Variants in ANK2 observed in about 807,000 individuals in gnomAD.
The protein encoded by ANK2 is ankyrin-2.
A neutral mutation model predicts 360.5 loss-of-function variants in ANK2; 83 were observed. The ratio of observed to expected loss-of-function variants is 0.23; its 90% CI spans 0.19 to 0.28. The LOEUF is 0.28. Ranked by LOEUF, ANK2 falls within the 10% of genes least tolerant of loss-of-function variation. The pLI is 1.00. For missense variants in ANK2, 4,201 were observed against 4,795.7 expected (o/e 0.88, Z 3.66); for synonymous variants, 1,740 against 1,759.5 (o/e 0.99, Z 0.28).
At chr4:112,763,226 A>ATTT in the ANK2 span, among the ~76,000 whole-genome samples, 19 of 144,820 alleles carry the variant, frequency 1.3e-4, no homozygotes, top group Admixed American at 4.8e-4. Context: ...CACCTGGCTA[A>ATTT]TTTTTTTTTT....
chr4:112,854,794 G>T (rs1372455875), intron 1 of ANK2, among the ~76,000 whole-genome samples: 2 of 152,170 alleles, frequency 1.3e-5, no homozygotes, highest in Non-Finnish European at 2.9e-5. Context: ...TAGTCCAGAG[G>T]TGGGAGCTGG....
At chr4:113,341,042 AGTCAAT>A (rs1356653348) in intron 32 of ANK2, among the ~76,000 whole-genome samples, 1 of 152,222 alleles carries the variant, frequency 6.6e-6, no homozygotes, top group Non-Finnish European at 1.5e-5. Flanking sequence ...AAAAATTGCC[AGTCAAT>A]GTCACAGACT....
At chr4:112,959,097 G>A (rs1441967532) in intron 2 of ANK2, among the ~76,000 whole-genome samples, 2 of 151,970 alleles carry the variant, frequency 1.3e-5, no homozygotes, top group Non-Finnish European at 2.9e-5. Context: ...TGATCCGCCC[G>A]CCTCGGCCTC....
chr4:112,825,673 A>C (rs2058272728), intron 1 of ANK2, among the ~76,000 whole-genome samples: 1 of 152,246 alleles, frequency 6.6e-6, no homozygotes, highest in Non-Finnish European at 1.5e-5. Flanking sequence ...ATCATAAACC[A>C]AATTCACTTA....
At chr4:112,843,135 A>T (rs1266950667) in intron 1 of ANK2, among the ~76,000 whole-genome samples, 1 of 152,212 alleles carries the variant, frequency 6.6e-6, no homozygotes, top group Admixed American at 6.5e-5. Context: ...AAAATCCTTA[A>T]TTTAATCACA....
chr4:113,331,840 G>A, intron 27 of ANK2, 132 bp from the exon 28 acceptor site: 1 of 843,458 alleles, frequency 1.2e-6, no homozygotes, highest in Non-Finnish European at 2.1e-6. Context: ...ACCAATGGAG[G>A]GGGCAGAACC....
chr4:113,285,708 C>T (rs1167918231), intron 18 of ANK2, among the ~76,000 whole-genome samples: 2 of 152,132 alleles, frequency 1.3e-5, no homozygotes, highest in African/African-American at 2.4e-5. Context: ...ATGATGTCAG[C>T]ATTCATTCCC....
Position 112,881,777 on chromosome 4 carries a change from A to G in ANK2, c.-39-22678A>G, listed in dbSNP as rs1337319381. On this transcript the variant is annotated intron_variant, in intron 1 of 30. Coordinates refer to the ANK2 transcript ENST00000503271. Reference sequence around the variant, plus strand: ...ACTTCGATTATTCAAACTGTTCAAAATAAACTTTTAGTTGATGTTCTTCAG... The same window carrying G: ...ACTTCGATTATTCAAACTGTTCAAAGTAAACTTTTAGTTGATGTTCTTCAG... 4 of 765,698 alleles carry G rather than the reference A, an allele frequency of 5.2e-6. No individual in the cohort carries two copies. In the Admixed American group the frequency reaches 7.2e-5, roughly 14 times the overall value. The allele number at this position is 765,698 out of a possible 1,614,324, so 47.4% of individuals were successfully genotyped here.
In ANK2 at chr4:113,149,181, T is replaced by C. The variant is rs570099308; in HGVS notation, c.85-25235T>C. 2.6e-5 allele frequency: 4 copies of C among 152,200 alleles called. No homozygotes were observed. The East Asian group carries it at 7.8e-4, about 30-fold the overall frequency. The allele number at this position is 152,200 out of a possible 1,614,324, so 9.4% of individuals were successfully genotyped here. ...CCCTGAAGTGAACAAGGATGGAGGA[T>C]TGGATTAGGATGTTAACAATGGAGG... On this transcript the variant is annotated intron_variant, in intron 1 of 45. Transcript: ENST00000357077.
At chr4:112,804,023 T>G in the ANK2 span, among the ~76,000 whole-genome samples, 47 of 151,242 alleles carry the variant, frequency 3.1e-4, no homozygotes, top group Middle Eastern at 6.8e-3. Context: ...GGTTTTTTTT[T>G]TTTTTCTTTT....
the ANK2 span, among the ~76,000 whole-genome samples, chr4:112,804,879 T>C: frequency 1.3e-5 from 2 of 151,774 alleles, no homozygotes; most frequent in African/African-American, 4.8e-5. Context: ...GGAGGATTGC[T>C]TGAGCCCTGG....
At chr4:112,812,025 C>G in the ANK2 span, among the ~76,000 whole-genome samples, 6 of 139,068 alleles carry the variant, frequency 4.3e-5, no homozygotes, top group Non-Finnish European at 7.5e-5. Flanking sequence ...CAGTGAGCCA[C>G]GATCCCGCCA....
chr4:113,171,030 C>T (rs1239765954), intron 1 of ANK2, among the ~76,000 whole-genome samples: 1 of 152,184 alleles, frequency 6.6e-6, no homozygotes, highest in African/African-American at 2.4e-5. Flanking sequence ...TTGTCTGAGA[C>T]TTTCTTCCAA....
At chr4:113,235,589 C>A (rs543405943) in intron 5 of ANK2, among the ~76,000 whole-genome samples, 27 of 151,730 alleles carry the variant, frequency 1.8e-4, no homozygotes, top group Admixed American at 3.3e-4. Context: ...CCACCACATT[C>A]ATCTAATTTT....
Position 113,255,879 on chromosome 4 carries a change from C to T in ANK2, c.1135C>T (p.Arg379Cys), listed in dbSNP as rs143043717. 3.5e-4 allele frequency: 558 copies of T among 1,614,160 alleles called. 5 individuals are homozygous for T. The South Asian group carries it at 5.3e-3, about 15-fold the overall frequency. ...CGTTGCTGCGCACTGTGGCCACTAC[C>T]GTGTAACCAAACTCCTTTTAGACAA... is the stretch of plus-strand genomic sequence containing the variant. ...LHVAAHCGHY[R>C]VTKLLLDKRA... The change falls in exon 11 of 46, where the codon CGT becomes TGT. Residue 379 changes from arginine (R) to cysteine (C), a missense_variant. By Grantham distance (180) the Arg-to-Cys change is radical. Around this residue, in one of 4 missense-constraint regions of ANK2, gnomAD observed 1,268 missense variants for 1,650.8 expected, o/e 0.77. Transcript: ENST00000357077.
chr4:113,104,011 C>T (rs1042606636), intron 1 of ANK2, among the ~76,000 whole-genome samples: 2 of 152,018 alleles, frequency 1.3e-5, no homozygotes, highest in African/African-American at 4.8e-5. Context: ...TTTAAAATAC[C>T]AAGGGTCTCG....
At chr4:112,779,999 G>A in the ANK2 span, among the ~76,000 whole-genome samples, 1 of 152,120 alleles carries the variant, frequency 6.6e-6, no homozygotes, top group African/African-American at 2.4e-5. Flanking sequence ...GAGGTGGGCG[G>A]ATCATCTGAA....
chr4:113,312,681 G>A (rs1249424301), intron 24 of ANK2, among the ~76,000 whole-genome samples: 1 of 152,168 alleles, frequency 6.6e-6, no homozygotes, highest in African/African-American at 2.4e-5. Context: ...AGGAAAAGTG[G>A]GGAGGGCATT....
intron 1 of ANK2, among the ~76,000 whole-genome samples, chr4:112,896,406 G>C (rs1352671520): frequency 1.3e-5 from 2 of 152,078 alleles, no homozygotes; most frequent in Non-Finnish European, 2.9e-5. Context: ...CTTTATTTAA[G>C]CAAGTAACAA....
Sources: gnomAD v4.1 joint callset for allele counts (sites outside exome capture counted in the v4.1 genomes callset) on GRCh38, gnomAD v4.1.1 for gene constraint, gnomAD v4.1.1 regional missense constraint, MANE v1.5 for transcripts, NCBI Gene and HGNC (gene_info 2026-07-23, HGNC 2026-07-21) for gene names.